Variants in DGKB observed in about 807,000 individuals in gnomAD.
The protein encoded by DGKB is diacylglycerol kinase beta, also known as 90 kDa diacylglycerol kinase.
In DGKB, 67 loss-of-function variants were observed where a neutral mutation model predicts 114.3. That is an observed-to-expected ratio of 0.59 (90% CI 0.48 to 0.72). The LOEUF (loss-of-function observed/expected upper bound fraction) is 0.72. DGKB is among the 30% of genes least tolerant of loss of function. DGKB has a pLI of 0.00. For synonymous variants in DGKB, 398 were observed against 323.1 expected (o/e 1.23, Z -2.49); for missense variants, 907 against 975.2 (o/e 0.93, Z 0.93).
At chr7:14,619,234 A>G (rs1563696534) in intron 15 of DGKB, among the ~76,000 whole-genome samples, 1 of 151,386 alleles carries the variant, frequency 6.6e-6, no homozygotes, top group Non-Finnish European at 1.5e-5. Context: ...CCCACTCACA[A>G]TTTTAGCTGA....
chr7:14,563,054 T>C (rs948683470), intron 20 of DGKB, among the ~76,000 whole-genome samples: 1 of 152,082 alleles, frequency 6.6e-6, no homozygotes, highest in African/African-American at 2.4e-5. Context: ...GCTGTTCTTG[T>C]GATAGTGAAT....
At chr7:14,594,106 C>T (rs1802145053) in intron 17 of DGKB, among the ~76,000 whole-genome samples, 1 of 152,048 alleles carries the variant, frequency 6.6e-6, no homozygotes, top group African/African-American at 2.4e-5. Context: ...GATCTTTAAA[C>T]TAACTTTGTT....
chr7:14,531,822 A>G (rs1791628936), intron 20 of DGKB, among the ~76,000 whole-genome samples: 1 of 151,410 alleles, frequency 6.6e-6, no homozygotes, highest in Non-Finnish European at 1.5e-5. Flanking sequence ...TGGTATTGGT[A>G]TAAGAATAGG....
chr7:14,257,401 C>T lies in DGKB; in HGVS notation c.2123-79250G>A, dbSNP rs571341572. Among the ~76,000 whole-genome samples the T allele has an allele frequency of 7.2e-5, 11 of 152,174 alleles. No homozygotes were observed. The South Asian group carries it at 2.3e-3, about 32-fold the overall frequency. ...TTTATTTGGAAGAGTCTCTGAGTAG[C>T]ATAACCAAATAAACCAACGGACTAT... On this transcript the variant is annotated intron_variant, in intron 23 of 25. Coordinates refer to ENST00000402815, the MANE Select transcript of DGKB (RefSeq NM_001350709.2).
intron 23 of DGKB, among the ~76,000 whole-genome samples, chr7:14,183,624 A>G (rs940163349): frequency 6.6e-5 from 10 of 152,350 alleles, no homozygotes; most frequent in African/African-American, 2.4e-4. Flanking sequence ...CCTTTGAGAT[A>G]GGTATTATTC....
intron 21 of DGKB, among the ~76,000 whole-genome samples, chr7:14,356,859 C>G (rs1285907973): frequency 1.3e-5 from 2 of 152,162 alleles, no homozygotes; most frequent in Non-Finnish European, 2.9e-5. Context: ...ATTATTTACC[C>G]AGTAGCCATT....
chr7:14,504,278 T>G (rs909320095), intron 20 of DGKB, among the ~76,000 whole-genome samples: 2 of 152,178 alleles, frequency 1.3e-5, no homozygotes, highest in African/African-American at 2.4e-5. Context: ...AGAGGCTCTG[T>G]GTATGGAGTA....
At chr7:14,944,318 C>T (rs952909654) in intron 1 of DGKB, among the ~76,000 whole-genome samples, 2 of 151,672 alleles carry the variant, frequency 1.3e-5, no homozygotes, top group African/African-American at 2.4e-5. Flanking sequence ...ATAGAATTGT[C>T]AGTATTGAAA....
At chr7:14,287,932 C>T (rs1375080280) in intron 23 of DGKB, among the ~76,000 whole-genome samples, 1 of 152,052 alleles carries the variant, frequency 6.6e-6, no homozygotes, top group Non-Finnish European at 1.5e-5. Flanking sequence ...TTGATACTGC[C>T]TCATTTCCAC....
intron 2 of DGKB, among the ~76,000 whole-genome samples, chr7:14,802,846 G>A (rs1031087832): frequency 6.6e-6 from 1 of 151,732 alleles, no homozygotes; most frequent in East Asian, 1.9e-4. Context: ...TTTTTTATAC[G>A]TTTACTGCAT....
intron 2 of DGKB, among the ~76,000 whole-genome samples, chr7:14,769,642 C>G (rs929811111): frequency 6.6e-6 from 1 of 152,068 alleles, no homozygotes. Context: ...TGATTTAAAA[C>G]TGCAGAAATT....
intron 21 of DGKB, among the ~76,000 whole-genome samples, chr7:14,369,863 T>C (rs1002830474): frequency 2.0e-5 from 3 of 152,192 alleles, no homozygotes; most frequent in Admixed American, 2.0e-4. Context: ...TATCCCATTC[T>C]GTAAAATTAT....
chr7:14,930,824 A>T (rs545289766), intron 1 of DGKB, among the ~76,000 whole-genome samples: 1 of 152,172 alleles, frequency 6.6e-6, no homozygotes, highest in South Asian at 2.1e-4. Flanking sequence ...CCTGTTCAGT[A>T]TGATGTTGGT....
chr7:14,168,454 G>A (rs1784921908), intron 25 of DGKB, among the ~76,000 whole-genome samples: 1 of 152,176 alleles, frequency 6.6e-6, no homozygotes, highest in Non-Finnish European at 1.5e-5. Flanking sequence ...ACAGATTCGT[G>A]AAGCTCAGTG....
At chr7:14,723,403 G>C (rs921096991) in intron 5 of DGKB, among the ~76,000 whole-genome samples, 2 of 151,948 alleles carry the variant, frequency 1.3e-5, no homozygotes, top group Non-Finnish European at 2.9e-5. Flanking sequence ...AAAAGGGTTT[G>C]TTTGTTTTTT....
At chr7:14,844,902 T>C (rs1848426375) in intron 1 of DGKB, among the ~76,000 whole-genome samples, 1 of 151,338 alleles carries the variant, frequency 6.6e-6, no homozygotes, top group Middle Eastern at 3.4e-3. Flanking sequence ...AGCTCAGGAG[T>C]TCTAGACCAG....
At chr7:14,510,191 AT>A (rs1004237979) in intron 20 of DGKB, among the ~76,000 whole-genome samples, 2 of 152,152 alleles carry the variant, frequency 1.3e-5, no homozygotes, top group African/African-American at 4.8e-5. Flanking sequence ...AGTTTGCCAC[AT>A]CCATTGCCAC....
intron 1 of DGKB, among the ~76,000 whole-genome samples, chr7:14,973,075 A>C (rs1787568775): frequency 6.6e-6 from 1 of 151,996 alleles, no homozygotes; most frequent in South Asian, 2.1e-4. Context: ...AGAAACTATA[A>C]TTTGTAGGGG....
intron 21 of DGKB, among the ~76,000 whole-genome samples, chr7:14,390,404 G>T (rs1239517788): frequency 1.3e-5 from 2 of 152,120 alleles, no homozygotes. Context: ...TAGAAGATAA[G>T]AATCCTGGAT....
Sources: allele counts gnomAD v4.1 joint callset (sites outside exome capture counted in the v4.1 genomes callset), GRCh38; gene constraint gnomAD v4.1.1; transcripts MANE v1.5; gene names NCBI Gene and HGNC (gene_info 2026-07-23, HGNC 2026-07-21).